Variants in FSHR observed in about 807,000 individuals in gnomAD.
FSHR encodes follicle-stimulating hormone receptor.
A neutral mutation model predicts 52.1 loss-of-function variants in FSHR; 46 were observed. The observed-to-expected ratio is 0.88, with a 90% CI of 0.70 to 1.13. FSHR has a LOEUF of 1.13. Ranked by LOEUF, FSHR falls within the 50% of genes most tolerant of loss-of-function variation. The pLI, the probability that FSHR is intolerant of heterozygous loss-of-function variation, is 0.00. For missense variants in FSHR, 964 were observed against 834.6 expected, an observed-to-expected ratio of 1.16 and a Z score of -1.91; for synonymous variants, 399 against 309.6, an observed-to-expected ratio of 1.29 and a Z score of -3.03.
intron 3 of FSHR, among the ~76,000 whole-genome samples, chr2:49,019,383 T>C (rs1667612460): frequency 6.6e-6 from 1 of 152,216 alleles, no homozygotes; most frequent in African/African-American, 2.4e-5. Context: ...TCTTCTGGCT[T>C]TGACATTCTA....
intron 8 of FSHR, among the ~76,000 whole-genome samples, chr2:48,978,933 C>T (rs1301228628): frequency 6.6e-6 from 1 of 152,122 alleles, no homozygotes; most frequent in East Asian, 1.9e-4. Context: ...CATATATCCA[C>T]TGGAGAAAAA....
intron 2 of FSHR, among the ~76,000 whole-genome samples, chr2:49,023,786 G>T (rs1037723782): frequency 3.3e-5 from 5 of 152,092 alleles, no homozygotes; most frequent in Admixed American, 6.5e-5. Context: ...GACTTTTAAG[G>T]CCCCTTCTGT....
chr2:49,071,734 G>A (rs1481059880), intron 1 of FSHR, among the ~76,000 whole-genome samples: 1 of 152,186 alleles, frequency 6.6e-6, no homozygotes, highest in Non-Finnish European at 1.5e-5. Flanking sequence ...TGCTTCTGGT[G>A]AGGGCCTCAG....
intron 8 of FSHR, among the ~76,000 whole-genome samples, chr2:48,969,625 C>T (rs77429595): frequency 0.012 from 1,858 of 152,244 alleles, 29 homozygotes; most frequent in African/African-American, 0.042. Context: ...ACTTCCTGAC[C>T]AACAGACAAC....
At chr2:48,973,622 T>C (rs1674843274) in intron 8 of FSHR, among the ~76,000 whole-genome samples, 1 of 152,232 alleles carries the variant, frequency 6.6e-6, no homozygotes, top group Non-Finnish European at 1.5e-5. Context: ...TACCACTGAC[T>C]ATCTTTTGCT....
At chr2:49,133,571 T>C (rs1280860471) in intron 1 of FSHR, among the ~76,000 whole-genome samples, 1 of 152,136 alleles carries the variant, frequency 6.6e-6, no homozygotes, top group Non-Finnish European at 1.5e-5. Context: ...AAAACTACTT[T>C]AAAGTTCATA....
At chr2:48,989,364 C>G (rs527760065) in intron 5 of FSHR, among the ~76,000 whole-genome samples, 2 of 150,298 alleles carry the variant, frequency 1.3e-5, no homozygotes, top group Admixed American at 1.3e-4. Flanking sequence ...CTCACTGTAG[C>G]CTCAACCTCC....
chr2:49,042,349 G>C (rs577848241), intron 2 of FSHR, among the ~76,000 whole-genome samples: 1 of 152,248 alleles, frequency 6.6e-6, no homozygotes, highest in South Asian at 2.1e-4. Context: ...AACAATGGGG[G>C]AAGGAGAAGA....
At chr2:49,056,817 C>G (rs1669084193) in intron 2 of FSHR, among the ~76,000 whole-genome samples, 1 of 151,940 alleles carries the variant, frequency 6.6e-6, no homozygotes, top group Non-Finnish European at 1.5e-5. Context: ...GTCAAGTACC[C>G]TATAATACCA....
At chr2:49,004,536 C>T (rs918829395) in intron 4 of FSHR, among the ~76,000 whole-genome samples, 1 of 152,186 alleles carries the variant, frequency 6.6e-6, no homozygotes. Context: ...ATGAAGATCA[C>T]AGTTCAGAAA....
intron 1 of FSHR, among the ~76,000 whole-genome samples, chr2:49,114,017 G>C (rs1671515531): frequency 6.6e-6 from 1 of 152,086 alleles, no homozygotes; most frequent in Non-Finnish European, 1.5e-5. Context: ...CCAGCTTCCA[G>C]GTCACACCAG....
intron 3 of FSHR, among the ~76,000 whole-genome samples, chr2:49,018,789 G>T (rs1158526899): frequency 6.6e-6 from 1 of 152,044 alleles, no homozygotes; most frequent in African/African-American, 2.4e-5. Context: ...GGAGAGGGGA[G>T]ATTGCCAAAT....
chr2:49,021,878 TATATATATAGAGAGAGAGAG>T (rs1274028592), intron 2 of FSHR, among the ~76,000 whole-genome samples: 3,110 of 60,712 alleles, frequency 0.051, 102 homozygotes, highest in East Asian at 0.13. Flanking sequence ...TATATATATA[TATATATATAGAGAGAGAGAG>T]AGAGAGAGAG....
chr2:49,140,975 G>GAGAGTCAGT (rs1672664718), intron 1 of FSHR, among the ~76,000 whole-genome samples: 1 of 152,160 alleles, frequency 6.6e-6, no homozygotes, highest in African/African-American at 2.4e-5. Flanking sequence ...TCAACCTGCT[G>GAGAGTCAGT]AGAGTCAGTT....
At chr2:49,021,940 A>G (rs560689283) in intron 2 of FSHR, among the ~76,000 whole-genome samples, 115 of 134,052 alleles carry the variant, frequency 8.6e-4, no homozygotes, top group African/African-American at 2.9e-3. Context: ...CATGCTGGCT[A>G]TTGGCCGTTT....
intron 2 of FSHR, among the ~76,000 whole-genome samples, chr2:49,054,045 C>G (rs923617490): frequency 1.3e-5 from 2 of 152,288 alleles, no homozygotes; most frequent in Middle Eastern, 3.4e-3. Flanking sequence ...CCAGATTAGT[C>G]TAGTTCCATG....
chr2:49,151,249 G>C (rs1283332909), intron 1 of FSHR, among the ~76,000 whole-genome samples: 1 of 149,890 alleles, frequency 6.7e-6, no homozygotes. Flanking sequence ...TCCCAGCTCT[G>C]CCATCCAGGA....
At chr2:49,107,246 C>T (rs1397518936) in intron 1 of FSHR, among the ~76,000 whole-genome samples, 1 of 152,026 alleles carries the variant, frequency 6.6e-6, no homozygotes, top group Non-Finnish European at 1.5e-5. Flanking sequence ...GTTCCCTCTC[C>T]TTGAAATGGC....
rs1218369896 is a variant in FSHR, at chr2:49,083,042, G to T, written c.153-14752C>A. On this transcript the variant is annotated intron_variant, in intron 1 of 9. Coordinates refer to ENST00000406846, the MANE Select transcript of FSHR (RefSeq NM_000145.4). ...AAGAGCAACTCCAAGATACATAATT[G>T]TCAGATTCACCAAAGTTGAAATGAA... Among the ~76,000 whole-genome samples the T allele has an allele frequency of 2.0e-5, 3 of 151,082 alleles. No individual in the cohort carries two copies. In the South Asian group the frequency reaches 6.3e-4, roughly 32 times the overall value.
Sources: allele counts gnomAD v4.1 joint callset (sites outside exome capture counted in the v4.1 genomes callset), GRCh38; gene constraint gnomAD v4.1.1; transcripts MANE v1.5; gene names NCBI Gene and HGNC (gene_info 2026-07-23, HGNC 2026-07-21).